Variants in XKR6 observed in about 807,000 individuals in gnomAD.
XKR6 encodes XK-related protein 6.
XKR6 carries 22 observed loss-of-function variants against 56.7 expected under a neutral mutation model. That is an observed-to-expected ratio of 0.39 (90% CI 0.28 to 0.55). XKR6 has a LOEUF of 0.55. Among genes scored for constraint, XKR6 ranks in the 20% least tolerant of loss-of-function variants. The probability of loss-of-function intolerance (pLI) is 0.66; values close to 1 mark genes in which losing one functional copy is unlikely to be tolerated. For missense variants in XKR6, 852 were observed against 889.0 expected (o/e 0.96, Z 0.53); for synonymous variants, 524 against 387.8 (o/e 1.35, Z -4.13).
chr8:11,031,657 G>A (rs748017830), intron 1 of XKR6, among the ~76,000 whole-genome samples: 2 of 152,126 alleles, frequency 1.3e-5, no homozygotes, highest in Non-Finnish European at 2.9e-5. Flanking sequence ...TGGGTTTCAT[G>A]CAGATTTCAG....
At chr8:10,966,076 G>C (rs994147337) in intron 1 of XKR6, among the ~76,000 whole-genome samples, 1 of 152,176 alleles carries the variant, frequency 6.6e-6, no homozygotes, top group Non-Finnish European at 1.5e-5. Context: ...AACTTGGGTG[G>C]GGAGGAGGAT....
chr8:10,941,699 T>A (rs925957780), intron 1 of XKR6, among the ~76,000 whole-genome samples: 1 of 152,216 alleles, frequency 6.6e-6, no homozygotes, highest in African/African-American at 2.4e-5. Context: ...TCTGTGTGGC[T>A]ACGTGGCCTG....
At chr8:11,102,013 G>C (rs1342177246) in intron 1 of XKR6, among the ~76,000 whole-genome samples, 1 of 152,206 alleles carries the variant, frequency 6.6e-6, no homozygotes, top group African/African-American at 2.4e-5. Context: ...GAAACGAGGA[G>C]GATGTGTCCA....
chr8:10,905,546 C>G (rs1012030368), intron 2 of XKR6, among the ~76,000 whole-genome samples: 1 of 152,190 alleles, frequency 6.6e-6, no homozygotes, highest in Non-Finnish European at 1.5e-5. Flanking sequence ...ACTTGTATGG[C>G]ATTGTACCCC....
At chr8:11,061,895 C>T (rs370397488) in intron 1 of XKR6, among the ~76,000 whole-genome samples, 41 of 152,276 alleles carry the variant, frequency 2.7e-4, no homozygotes, top group Non-Finnish European at 4.9e-4. Context: ...GGCAAGGACG[C>T]GGCCAGCATC....
At chr8:11,185,719 C>A (rs1585032288) in intron 1 of XKR6, among the ~76,000 whole-genome samples, 1 of 152,144 alleles carries the variant, frequency 6.6e-6, no homozygotes, top group African/African-American at 2.4e-5. Flanking sequence ...TCCTTAAGAC[C>A]TGAAACACTG....
At chr8:11,122,350 T>C (rs1359935450) in intron 1 of XKR6, among the ~76,000 whole-genome samples, 1 of 152,234 alleles carries the variant, frequency 6.6e-6, no homozygotes. Context: ...AGATCTCATA[T>C]TTGCCCCAAA....
At position 10,981,620 on chromosome 8, in the gene XKR6, T is replaced by C. The variant is rs117546146; in HGVS notation, c.765-56790A>G. The stretch of plus-strand genomic sequence containing the variant: ...GGGATCTAGAATAAGCCTCCCAAAT[T>C]TAGCACTGACCGCACTTCCAGGTGA... On this transcript the variant is annotated intron_variant, in intron 1 of 2. Transcript: ENST00000416569. Among the ~76,000 whole-genome samples the C allele has an allele frequency of 6.4e-3, 979 of 152,330 alleles. 12 individuals are homozygous for C. Among genetic ancestry groups the C allele is most frequent in the Non-Finnish European group, 8.6e-3 (586 of 68,028 alleles).
At chr8:11,079,091 G>A (rs957855117) in intron 1 of XKR6, among the ~76,000 whole-genome samples, 7 of 152,202 alleles carry the variant, frequency 4.6e-5, no homozygotes, top group African/African-American at 1.2e-4. Flanking sequence ...GCAGAAGGCT[G>A]TGCAGGAGAA....
intron 1 of XKR6, among the ~76,000 whole-genome samples, chr8:11,030,653 G>T (rs1798971373): frequency 6.7e-6 from 1 of 148,200 alleles, no homozygotes; most frequent in Non-Finnish European, 1.5e-5. Flanking sequence ...TGGCGTGAGG[G>T]GAGGGACTCA....
intron 1 of XKR6, among the ~76,000 whole-genome samples, chr8:11,151,530 T>G (rs535579591): frequency 6.6e-6 from 1 of 152,156 alleles, no homozygotes; most frequent in Non-Finnish European, 1.5e-5. Flanking sequence ...ATTCTACCCA[T>G]GTGAACAAGA....
At chr8:11,100,242 C>T (rs559785076) in intron 1 of XKR6, among the ~76,000 whole-genome samples, 93 of 152,160 alleles carry the variant, frequency 6.1e-4, no homozygotes, top group Non-Finnish European at 1.1e-3. Flanking sequence ...TTTGTAGAGA[C>T]GGGGTCTTGC....
chr8:10,995,895 A>G (rs952009010), intron 1 of XKR6, among the ~76,000 whole-genome samples: 4 of 152,104 alleles, frequency 2.6e-5, no homozygotes, highest in African/African-American at 9.7e-5. Flanking sequence ...AGGCCTGAGC[A>G]CCTGTAGTTG....
At chr8:11,090,593 A>G (rs1297062775) in intron 1 of XKR6, among the ~76,000 whole-genome samples, 1 of 152,218 alleles carries the variant, frequency 6.6e-6, no homozygotes, top group Non-Finnish European at 1.5e-5. Flanking sequence ...GATAGATATG[A>G]AACAGTATGT....
chr8:11,128,887 T>C, intron 1 of XKR6: 1 of 456,882 alleles, frequency 2.2e-6, no homozygotes, highest in Non-Finnish European at 4.4e-6. Flanking sequence ...TCTCTTGCCT[T>C]GGTCACTGCT....
At chr8:10,975,136 G>T (rs1802515080) in intron 1 of XKR6, among the ~76,000 whole-genome samples, 2 of 152,124 alleles carry the variant, frequency 1.3e-5, no homozygotes, top group East Asian at 3.9e-4. Context: ...CCCAGTACTT[G>T]CAGGACCCAG....
intron 1 of XKR6, among the ~76,000 whole-genome samples, chr8:11,171,298 A>T (rs1270183726): frequency 6.6e-6 from 1 of 152,264 alleles, no homozygotes; most frequent in Non-Finnish European, 1.5e-5. Flanking sequence ...ACACACACAG[A>T]GTTCAAAACA....
At chr8:11,136,611 C>A (rs143607800) in intron 1 of XKR6, among the ~76,000 whole-genome samples, 1,577 of 152,114 alleles carry the variant, frequency 0.01, 35 homozygotes, top group African/African-American at 0.037. Flanking sequence ...AGGATGGAGC[C>A]CTCATGAGTG....
At chr8:10,940,368 G>A (rs1046638197) in intron 1 of XKR6, among the ~76,000 whole-genome samples, 9 of 152,170 alleles carry the variant, frequency 5.9e-5, no homozygotes, top group African/African-American at 1.4e-4. Context: ...TTCAGGGCCC[G>A]CAGTAGTCAC....
Sources: allele counts gnomAD v4.1 joint callset (sites outside exome capture counted in the v4.1 genomes callset), GRCh38; gene constraint gnomAD v4.1.1; transcripts MANE v1.5; gene names NCBI Gene and HGNC (gene_info 2026-07-23, HGNC 2026-07-21).